The following SATB1 variants were observed in gnomAD, a reference collection of about 807,000 sequenced individuals.
SATB1 encodes DNA-binding protein SATB1.
SATB1 carries 11 observed loss-of-function variants against 86.9 expected under a neutral mutation model. The ratio of observed to expected loss-of-function variants is 0.13; its 90% CI spans 0.08 to 0.21. The LOEUF (loss-of-function observed/expected upper bound fraction) is 0.21. SATB1 is among the 10% of genes least tolerant of loss of function. The pLI, the probability that SATB1 is intolerant of heterozygous loss-of-function variation, is 1.00. For synonymous variants in SATB1, 357 were observed against 357.2 expected, an observed-to-expected ratio of 1.00 and a Z score of 0.01; for missense variants, 551 against 937.6, an observed-to-expected ratio of 0.59 and a Z score of 5.39.
rs1339213148 is a variant in SATB1, at chr3:18,424,155, A to C, written c.-553T>G. ...AAAAATCACTGCGGACAAGGTCTCCAAAAAGGAAAAAAGGTCTCTTCGCGT... is the reference window on the plus strand; with the variant it reads ...AAAAATCACTGCGGACAAGGTCTCCCAAAAGGAAAAAAGGTCTCTTCGCGT... On this transcript the variant is annotated 5_prime_UTR_variant, in exon 1 of 11. Transcript: ENST00000338745. 6 of 151,930 alleles carry C rather than the reference A, an allele frequency of 3.9e-5. No individual in the cohort carries two copies. Among genetic ancestry groups the C allele is most frequent in the Admixed American group, 3.3e-4 (5 of 15,262 alleles). The allele number at this position is 151,930 out of a possible 1,614,324, so 9.4% of individuals were successfully genotyped here.
intron 9 of SATB1, among the ~76,000 whole-genome samples, chr3:18,361,540 GTAT>G (rs1363268619): frequency 6.6e-6 from 1 of 152,060 alleles, no homozygotes; most frequent in African/African-American, 2.4e-5. Flanking sequence ...TCAGTTAATA[GTAT>G]TACCACATAC....
chr3:18,362,976 T>G (rs1212000184), intron 9 of SATB1, among the ~76,000 whole-genome samples: 2 of 151,832 alleles, frequency 1.3e-5, no homozygotes, highest in Non-Finnish European at 2.9e-5. Flanking sequence ...CAAAAATAAT[T>G]TACTACCAGG....
chr3:18,371,266 GA>G (rs1163841778), intron 9 of SATB1, among the ~76,000 whole-genome samples: 6 of 152,012 alleles, frequency 3.9e-5, no homozygotes, highest in African/African-American at 1.5e-4. Context: ...AGACTTAGGG[GA>G]AAAAACATCA....
intron 8 of SATB1, among the ~76,000 whole-genome samples, chr3:18,380,564 A>T (rs933762685): frequency 1.3e-4 from 20 of 152,048 alleles, no homozygotes; most frequent in Non-Finnish European, 2.2e-4. Context: ...ATTTTTTTTT[A>T]AAAAAAGAAT....
At chr3:18,362,140 T>C (rs904639046) in intron 9 of SATB1, among the ~76,000 whole-genome samples, 4 of 152,166 alleles carry the variant, frequency 2.6e-5, no homozygotes, top group African/African-American at 9.7e-5. Context: ...ATTTGTTCCT[T>C]CTTTTCCATT....
At chr3:18,417,512 T>C (rs1225434632) in intron 2 of SATB1, 8 of 606,354 alleles carry the variant, frequency 1.3e-5, no homozygotes, top group African/African-American at 1.1e-4. Flanking sequence ...TTGTTAATAA[T>C]AAACTTTTCC....
rs1050750976 is a variant in SATB1, at chr3:18,424,801, G to C, written c.-1199C>G. 2.0e-5 allele frequency: 3 copies of C among 152,456 alleles called. No homozygotes were observed. The highest frequency in any genetic ancestry group is 2.4e-5 in the African/African-American group (1 of 41,460). 9.4% of individuals were successfully genotyped at this position (152,456 alleles called of 1,614,324 possible). Reference sequence around the variant, plus strand: ...ATCAGGAGTTTCCCGAAATGAAAGAGGGGGGCGGGCAGCGTCCTCTAGAGT... The same window carrying C: ...ATCAGGAGTTTCCCGAAATGAAAGACGGGGGCGGGCAGCGTCCTCTAGAGT... On this transcript the variant is annotated 5_prime_UTR_variant, in exon 1 of 11. Transcript: ENST00000338745.
intron 5 of SATB1, among the ~76,000 whole-genome samples, chr3:18,407,689 T>C (rs575408187): frequency 1.9e-4 from 29 of 152,118 alleles, no homozygotes; most frequent in African/African-American, 6.7e-4. Flanking sequence ...ATTCCTACGA[T>C]GCTAGGAGCT....
upstream of SATB1, chr3:18,425,339 T>TGGCGGC (rs772437246): frequency 6.8e-4 from 101 of 148,276 alleles, 1 homozygote; most frequent in African/African-American, 1.5e-3. Context: ...AGCGAGAAAG[T>TGGCGGC]GGCGGCGGCG....
At position 18,444,554 on chromosome 3, in the gene SATB1, A is replaced by T. The variant is rs1699330747; in HGVS notation, c.-25+964T>A. 1.0e-6 allele frequency: 1 copy of T among 982,268 alleles called. No individual in the cohort carries two copies. The highest frequency in any genetic ancestry group is 1.2e-6 in the Non-Finnish European group (1 of 827,196). The allele number at this position is 982,268 out of a possible 1,614,324, so 60.8% of individuals were successfully genotyped here. A position where few individuals can be genotyped will look rare whatever the true frequency, so the allele number is the denominator to read the frequency against. ...TGATTCCGGAAAAAGAGGGACAGAG[A>T]TAAAACAGCAAGAGTAGCAAGGGGA... On this transcript the variant is annotated intron_variant, in intron 1 of 3. Coordinates refer to the SATB1 transcript ENST00000415069. The surrounding 1 kb of genome is among the most constrained non-coding windows in gnomAD (Gnocchi z 5.1).
At chr3:18,408,996 AG>A in intron 5 of SATB1, 1 of 152,130 alleles carries the variant, frequency 6.6e-6, no homozygotes, top group East Asian at 1.9e-4. Flanking sequence ...AAAAAGAAAG[AG>A]GAAAAATACT....
intron 2 of SATB1, chr3:18,417,339 T>G (rs6806044): frequency 0.017 from 9,547 of 568,818 alleles, 341 homozygotes; most frequent in African/African-American, 0.11. Context: ...CAGTGCATTT[T>G]CCAAAAGCAA....
intron 9 of SATB1, among the ~76,000 whole-genome samples, chr3:18,374,356 AT>A (rs1695631802): frequency 1.3e-5 from 2 of 152,266 alleles, no homozygotes; most frequent in Admixed American, 6.5e-5. Flanking sequence ...CAAATCAACT[AT>A]TTTTTTAAAC....
chr3:18,399,727 A>G (rs1697152992), intron 5 of SATB1, among the ~76,000 whole-genome samples: 1 of 152,164 alleles, frequency 6.6e-6, no homozygotes, highest in East Asian at 1.9e-4. Flanking sequence ...CTTAAATCAA[A>G]AGGCTAATCC....
At chr3:18,429,265 G>A (rs532951691), upstream of SATB1, among the ~76,000 whole-genome samples, 6 of 152,148 alleles carry the variant, frequency 3.9e-5, no homozygotes, top group South Asian at 8.3e-4. This position sits in a 1 kb window ranked among gnomAD's most constrained non-coding sequence, Gnocchi z 4.1. Flanking sequence ...TTTCTGCATC[G>A]TTTCCTGAAT....
At chr3:18,392,614 T>C (rs1457541702) in intron 7 of SATB1, among the ~76,000 whole-genome samples, 1 of 151,802 alleles carries the variant, frequency 6.6e-6, no homozygotes. Flanking sequence ...TACATATATA[T>C]ATAATTTGTG....
upstream of SATB1, among the ~76,000 whole-genome samples, chr3:18,429,334 A>ATT (rs1698815063): frequency 6.6e-6 from 1 of 152,256 alleles, no homozygotes; most frequent in Admixed American, 6.5e-5. This position sits in a 1 kb window ranked among gnomAD's most constrained non-coding sequence, Gnocchi z 4.1. Flanking sequence ...AGCCCAAACA[A>ATT]CTTTGTCAAA....
At chr3:18,382,655 G>C (rs1172547287) in intron 8 of SATB1, among the ~76,000 whole-genome samples, 1 of 152,106 alleles carries the variant, frequency 6.6e-6, no homozygotes, top group Non-Finnish European at 1.5e-5. Context: ...AGTTTAAAAG[G>C]GGCTGTTCTC....
chr3:18,389,368 T>TA (rs200362551), intron 7 of SATB1, among the ~76,000 whole-genome samples: 10 of 146,902 alleles, frequency 6.8e-5, no homozygotes, highest in Admixed American at 1.4e-4. Context: ...GATAATTACT[T>TA]AAAAAAAAAA....
Sources: allele counts gnomAD v4.1 joint callset (sites outside exome capture counted in the v4.1 genomes callset), GRCh38; gene constraint gnomAD v4.1.1; non-coding constraint Gnocchi (gnomAD v3.1); transcripts MANE v1.5; gene names NCBI Gene and HGNC (gene_info 2026-07-23, HGNC 2026-07-21).